The following CNTN5 variants were observed in gnomAD, a reference collection of about 807,000 sequenced individuals.
CNTN5 encodes the protein contactin 5.
Under a neutral mutation model 129.1 loss-of-function variants are expected in CNTN5, and 77 were observed. The ratio of observed to expected loss-of-function variants is 0.60; its 90% CI spans 0.50 to 0.72. The LOEUF (loss-of-function observed/expected upper bound fraction) is 0.72, where lower values mean the gene tolerates loss of function less well. CNTN5 is among the 30% of genes least tolerant of loss of function. The pLI is 0.00. For synonymous variants in CNTN5, 509 were observed against 465.6 expected (o/e 1.09, Z -1.20); for missense variants, 1,478 against 1,328.8 (o/e 1.11, Z -1.75).
intron 3 of CNTN5, among the ~76,000 whole-genome samples, chr11:99,696,625 C>CTT (rs530528826): frequency 7.0e-5 from 10 of 142,066 alleles, no homozygotes; most frequent in African/African-American, 1.3e-4. Context: ...AGTAGTCATT[C>CTT]TTTTTTTTTT....
chr11:100,241,248 T>C (rs1260968774), intron 16 of CNTN5, among the ~76,000 whole-genome samples: 2 of 152,212 alleles, frequency 1.3e-5, no homozygotes, highest in African/African-American at 2.4e-5. Flanking sequence ...TCCTAAAATA[T>C]CTGTTTTCCA....
At chr11:99,954,683 C>T (rs1950756439) in intron 7 of CNTN5, among the ~76,000 whole-genome samples, 2 of 152,004 alleles carry the variant, frequency 1.3e-5, no homozygotes, top group Admixed American at 1.3e-4. Flanking sequence ...TAATTGAAAA[C>T]CTTATAGGAG....
intron 10 of CNTN5, among the ~76,000 whole-genome samples, chr11:100,067,584 G>A (rs528069955): frequency 3.9e-5 from 6 of 151,904 alleles, no homozygotes; most frequent in East Asian, 3.9e-4. Flanking sequence ...AAGGTACAGT[G>A]TTCAAAGCAA....
intron 6 of CNTN5, among the ~76,000 whole-genome samples, chr11:99,913,166 C>T (rs930469703): frequency 6.6e-6 from 1 of 151,938 alleles, no homozygotes; most frequent in African/African-American, 2.4e-5. Flanking sequence ...GATTAAATAC[C>T]TCCAAAGAAA....
intron 3 of CNTN5, among the ~76,000 whole-genome samples, chr11:99,691,835 T>C (rs1954051717): frequency 6.6e-6 from 1 of 152,172 alleles, no homozygotes; most frequent in Non-Finnish European, 1.5e-5. Context: ...TGTCTGATAT[T>C]GGCAGTGGTG....
At chr11:99,180,790 AG>A (rs1338111051) in intron 1 of CNTN5, among the ~76,000 whole-genome samples, 1 of 152,204 alleles carries the variant, frequency 6.6e-6, no homozygotes, top group Non-Finnish European at 1.5e-5. Context: ...CAGGAGAATT[AG>A]AAGCACAATT....
In CNTN5 at chr11:100,336,865, C is replaced by A; in HGVS notation, c.2731-3598C>A. ...AGAGAATCACAATCTAGATGTGGAA[C>A]AGTGGATTTGAAAGCTATAGCAGCA... On this transcript the variant is annotated intron_variant, in intron 21 of 24. Transcript: ENST00000524871. The A allele has an allele frequency of 4.0e-6, 2 of 499,956 alleles. 1 individual carries two copies. Among genetic ancestry groups the A allele is most frequent in the South Asian group, 4.2e-5 (2 of 47,882 alleles). 31.0% of individuals were successfully genotyped at this position (499,956 alleles called of 1,614,324 possible). A position where few individuals can be genotyped will look rare whatever the true frequency, so the allele number is the denominator to read the frequency against.
rs546537489 is a variant in CNTN5 at position 99,648,660 on chromosome 11, C to T, written c.55+92391C>T. ...ACAATAGCCAAAATATGGAATCAAC[C>T]CAAATGTCCAAGAGGAAACGAATAA... is the stretch of plus-strand genomic sequence containing the variant. On this transcript the variant is annotated intron_variant, in intron 3 of 24. Coordinates refer to ENST00000524871, the MANE Select transcript of CNTN5 (RefSeq NM_014361.4). 9.2e-4 allele frequency among the ~76,000 whole-genome samples: 139 copies of T among 151,774 alleles called. 2 individuals are homozygous for T. The South Asian group carries it at 0.018, about 19-fold the overall frequency.
chr11:99,436,344 T>C (rs1451646722), intron 2 of CNTN5, among the ~76,000 whole-genome samples: 1 of 152,184 alleles, frequency 6.6e-6, no homozygotes, highest in East Asian at 1.9e-4. Context: ...ATCAGAGAGA[T>C]TAAATCATTT....
chr11:100,255,607 C>T (rs531922690), intron 16 of CNTN5, among the ~76,000 whole-genome samples, 153 bp from the exon 17 acceptor site: 7 of 152,294 alleles, frequency 4.6e-5, no homozygotes, highest in African/African-American at 1.4e-4. Context: ...CTCCAACTTG[C>T]ATCCATGACT....
chr11:99,846,295 T>C lies in CNTN5; in HGVS notation c.577+1033T>C, dbSNP rs544978992. Among the ~76,000 whole-genome samples, 235 of 145,240 alleles carry C rather than the reference T, an allele frequency of 1.6e-3. 1 individual carries two copies. The highest frequency in any genetic ancestry group is 5.9e-3 in the African/African-American group (231 of 39,208). On this transcript the variant is annotated intron_variant, in intron 6 of 24. Coordinates refer to ENST00000524871, the MANE Select transcript of CNTN5 (RefSeq NM_014361.4). ...ATTGCTTGAACCTGGGAGGTGGAGGTTGTAGTGAGCCGAGATTGCGCCACC... is the reference window on the plus strand; with the variant it reads ...ATTGCTTGAACCTGGGAGGTGGAGGCTGTAGTGAGCCGAGATTGCGCCACC...
At chr11:99,583,161 T>C (rs570735423) in intron 3 of CNTN5, among the ~76,000 whole-genome samples, 1 of 152,340 alleles carries the variant, frequency 6.6e-6, no homozygotes, top group African/African-American at 2.4e-5. Flanking sequence ...CCGTAAATGC[T>C]GCTGCCTGAT....
At chr11:99,083,852 C>T (rs575164501) in intron 1 of CNTN5, among the ~76,000 whole-genome samples, 2 of 152,252 alleles carry the variant, frequency 1.3e-5, no homozygotes, top group South Asian at 4.1e-4. Flanking sequence ...GCCCTTGAGG[C>T]CTCATCACTG....
intron 8 of CNTN5, among the ~76,000 whole-genome samples, chr11:99,977,445 C>T (rs1314459916): frequency 3.9e-5 from 6 of 152,110 alleles, no homozygotes; most frequent in Non-Finnish European, 7.4e-5. Flanking sequence ...ATTTTCACAC[C>T]GCTATGAAGA....
intron 7 of CNTN5, among the ~76,000 whole-genome samples, chr11:99,930,889 G>A (rs1950177424): frequency 6.6e-6 from 1 of 151,656 alleles, no homozygotes; most frequent in African/African-American, 2.4e-5. Context: ...TTAGAAGCCA[G>A]GCAACATAGA....
chr11:99,201,351 T>TTTCCTTCC (rs71046674), intron 1 of CNTN5, among the ~76,000 whole-genome samples: 9,323 of 88,254 alleles, frequency 0.11, 601 homozygotes, highest in Middle Eastern at 0.15. Flanking sequence ...CTTCCTTTCC[T>TTTCCTTCC]TTCCTTCCTT....
intron 9 of CNTN5, among the ~76,000 whole-genome samples, chr11:100,039,612 G>C (rs973443690): frequency 1.3e-5 from 2 of 152,140 alleles, no homozygotes; most frequent in African/African-American, 4.8e-5. Flanking sequence ...ACACTAATCA[G>C]ACATAGATTT....
intron 1 of CNTN5, among the ~76,000 whole-genome samples, chr11:99,064,345 T>G (rs1182976287): frequency 1.3e-5 from 2 of 152,154 alleles, no homozygotes; most frequent in Non-Finnish European, 2.9e-5. Context: ...TATAATTCTA[T>G]TGGCATCAAA....
intron 2 of CNTN5, among the ~76,000 whole-genome samples, chr11:99,346,465 C>T (rs1937881152): frequency 6.6e-6 from 1 of 152,178 alleles, no homozygotes; most frequent in South Asian, 2.1e-4. Flanking sequence ...ATTATGATTA[C>T]TTCGCCATCC....
Sources: allele counts gnomAD v4.1 joint callset (sites outside exome capture counted in the v4.1 genomes callset), GRCh38; gene constraint gnomAD v4.1.1; transcripts MANE v1.5; gene names NCBI Gene and HGNC (gene_info 2026-07-23, HGNC 2026-07-21).